Variants in STX7 observed in about 807,000 individuals in gnomAD.
STX7 encodes the protein syntaxin 7.
STX7 carries 34 observed loss-of-function variants against 39.6 expected under a neutral mutation model. The ratio of observed to expected loss-of-function variants is 0.86; its 90% CI spans 0.65 to 1.14. STX7 has a LOEUF of 1.14. STX7 is among the 50% of genes most tolerant of loss of function. STX7 has a pLI of 0.00. For missense variants in STX7, 284 were observed against 310.4 expected (o/e 0.92, Z 0.64); for synonymous variants, 119 against 99.1 (o/e 1.20, Z -1.19).
chr6:132,472,447 A>C lies in STX7; in HGVS notation c.156-72T>G, dbSNP rs1235013132. 5 of 1,144,912 alleles carry C rather than the reference A, an allele frequency of 4.4e-6. No individual in the cohort carries two copies. The African/African-American group carries it at 7.9e-5, about 18-fold the overall frequency. 70.9% of individuals were successfully genotyped at this position (1,144,912 alleles called of 1,614,324 possible). On this transcript the variant is annotated intron_variant, in intron 3 of 9. Coordinates refer to ENST00000367941, the MANE Select transcript of STX7 (RefSeq NM_003569.3). ...TTTAAGCTTCAACTCTGCCTTTTGA[A>C]TCAACACTGATAAACAGTTGTACAA...
intron 1 of STX7, among the ~76,000 whole-genome samples, chr6:132,509,353 G>A (rs968719229): frequency 5.9e-5 from 9 of 152,022 alleles, no homozygotes; most frequent in Non-Finnish European, 1.0e-4. Flanking sequence ...TCAGGAGGCT[G>A]AGGCAGGACA....
At position 132,454,780 on chromosome 6, in the gene STX7, T is replaced by C. The variant is rs936241764; in HGVS notation, c.*5978A>G. 9 of 152,234 alleles carry C rather than the reference T, an allele frequency of 5.9e-5. No individual in the cohort carries two copies. In the South Asian group the frequency reaches 1.0e-3, roughly 18 times the overall value. 9.4% of individuals were successfully genotyped at this position (152,234 alleles called of 1,614,324 possible). On this transcript the variant is annotated 3_prime_UTR_variant, in exon 10 of 10. Transcript: ENST00000367941. ...TGTTTATTGCCTCCAAGATAGAACATGAATTTCTTGAACAAGAAATGTTTA... is the reference window on the plus strand; with the variant it reads ...TGTTTATTGCCTCCAAGATAGAACACGAATTTCTTGAACAAGAAATGTTTA...
intron 1 of STX7, 130 bp downstream of exon 1, chr6:132,512,877 G>A (rs1177665400): frequency 6.6e-6 from 1 of 152,206 alleles, no homozygotes; most frequent in Non-Finnish European, 1.5e-5. Flanking sequence ...CTAGCCTCCC[G>A]AGTGCCTGCT....
rs1380064922 is a variant in STX7, at chr6:132,451,864, C to T, written c.*8894G>A. ...TATCAAATGTTTTAAAAAGCGCTGA[C>T]ACCAATTCTATACAATCCGCTTTAG... On this transcript the variant is annotated 3_prime_UTR_variant, in exon 10 of 10. Transcript: ENST00000367941. 6.6e-6 allele frequency: 1 copy of T among 152,158 alleles called. No homozygotes were observed. The highest frequency in any genetic ancestry group is 6.5e-5 in the Admixed American group (1 of 15,274). 9.4% of individuals were successfully genotyped at this position (152,158 alleles called of 1,614,324 possible). A position where few individuals can be genotyped will look rare whatever the true frequency, so the allele number is the denominator to read the frequency against.
chr6:132,460,787 T>C lies in STX7; in HGVS notation c.757A>G (p.Ser253Gly). The C allele has an allele frequency of 6.2e-7, 1 of 1,613,682 alleles. No individual in the cohort carries two copies. Among genetic ancestry groups the C allele is most frequent in the Non-Finnish European group, 8.5e-7 (1 of 1,179,798 alleles). ...LILVIGVAIISLIIWGLNH is the reference protein window; with the variant it reads ...LILVIGVAIIGLIIWGLNH ...TGGTTCAATCCCCATATGATGAGAC[T>C]GATAATCGCAACTCCAATGACAAGG... Residue 253 changes from serine to glycine, a missense_variant, in exon 10 of 10, where the codon AGT becomes GGT. By Grantham distance (56) the Ser-to-Gly change is moderately conservative (BLOSUM62 0). Coordinates refer to ENST00000367941, the MANE Select transcript of STX7 (RefSeq NM_003569.3).
intron 2 of STX7, among the ~76,000 whole-genome samples, chr6:132,490,281 TG>T (rs1461753201): frequency 6.6e-6 from 1 of 152,216 alleles, no homozygotes; most frequent in Non-Finnish European, 1.5e-5. Context: ...GCAGCTGAAT[TG>T]TTGTCACGAG....
chr6:132,500,533 C>T (rs909432492), intron 2 of STX7, among the ~76,000 whole-genome samples: 3 of 152,168 alleles, frequency 2.0e-5, no homozygotes, highest in Non-Finnish European at 4.4e-5. Context: ...AGGTAGCTTC[C>T]CCAGTCACTT....
In STX7 at chr6:132,464,063, G is replaced by A; in HGVS notation, c.623C>T (p.Ala208Val). The A allele has an allele frequency of 1.2e-6, 2 of 1,613,756 alleles. No individual in the cohort carries two copies. Among genetic ancestry groups the A allele is most frequent in the Non-Finnish European group, 1.7e-6 (2 of 1,179,906 alleles). ...EQGDVIDSIE[A>V]NVENAEVHVQ... is the part of the protein sequence containing the mutation. ...GTGCACCTCTGCATTTTCCACATTGGCTTCTATGCTATCTGTAAAATAAAA... is the reference window on the plus strand; with the variant it reads ...GTGCACCTCTGCATTTTCCACATTGACTTCTATGCTATCTGTAAAATAAAA... The change falls in exon 9 of 10, where the codon GCC becomes GTC. Residue 208 changes from alanine to valine, a missense_variant. By Grantham distance (64) the Ala-to-Val change is moderately conservative. Coordinates refer to ENST00000367941, the MANE Select transcript of STX7 (RefSeq NM_003569.3).
chr6:132,489,803 T>C (rs969255752), intron 2 of STX7, among the ~76,000 whole-genome samples: 3 of 152,186 alleles, frequency 2.0e-5, no homozygotes, highest in East Asian at 1.9e-4. Context: ...CACTTTGTCA[T>C]TGGTTCTCTT....
At position 132,460,515 on chromosome 6, in the gene STX7, TAAC is replaced by T. The variant is rs1300342159; in HGVS notation, c.*240_*242del. The T allele has an allele frequency of 6.0e-6, 2 of 330,678 alleles. No individual in the cohort carries two copies. Among genetic ancestry groups the T allele is most frequent in the Non-Finnish European group, 1.1e-5 (2 of 182,244 alleles). The allele number at this position is 330,678 out of a possible 1,614,324, so 20.5% of individuals were successfully genotyped here. A position where few individuals can be genotyped will look rare whatever the true frequency, so the allele number is the denominator to read the frequency against. ...GGCATATGCAATGTGGGCAAAAACT[TAAC>T]AACTATTAAATTGAAGACCAAGGGA... On this transcript the variant is annotated 3_prime_UTR_variant, in exon 10 of 10. Coordinates refer to ENST00000367941, the MANE Select transcript of STX7 (RefSeq NM_003569.3).
intron 1 of STX7, among the ~76,000 whole-genome samples, chr6:132,509,706 C>A (rs577536029): frequency 3.9e-5 from 6 of 152,014 alleles, no homozygotes; most frequent in Admixed American, 3.9e-4. Context: ...TAAAAGGCAA[C>A]AACAGTTGGC....
At chr6:132,479,716 C>T (rs1051356581) in intron 2 of STX7, among the ~76,000 whole-genome samples, 17 of 152,122 alleles carry the variant, frequency 1.1e-4, no homozygotes, top group Admixed American at 3.3e-4. Context: ...TGGGTATTGC[C>T]GTACACCAAT....
chr6:132,501,137 C>A (rs1299454001), intron 2 of STX7, among the ~76,000 whole-genome samples: 2 of 151,726 alleles, frequency 1.3e-5, no homozygotes, highest in Non-Finnish European at 2.9e-5. Context: ...ACTGCAACCT[C>A]CGCCTCCCAG....
At chr6:132,462,530 A>C (rs1774434426) in intron 9 of STX7, among the ~76,000 whole-genome samples, 1 of 150,888 alleles carries the variant, frequency 6.6e-6, no homozygotes, top group Non-Finnish European at 1.5e-5. Flanking sequence ...GATCCTGTTA[A>C]GTTTCAGCAG....
intron 2 of STX7, among the ~76,000 whole-genome samples, chr6:132,478,422 T>A (rs1241635202): frequency 2.0e-5 from 3 of 152,142 alleles, no homozygotes. Flanking sequence ...TGAACAGATA[T>A]ACTGAGCAAC....
rs570198812 is a variant in STX7 at position 132,459,755 on chromosome 6, A to G, written c.*1003T>C. The G allele has an allele frequency of 1.3e-5, 2 of 152,300 alleles. No individual in the cohort carries two copies. Among genetic ancestry groups the G allele is most frequent in the South Asian group, 4.1e-4 (2 of 4,824 alleles). 9.4% of individuals were successfully genotyped at this position (152,300 alleles called of 1,614,324 possible). A position where few individuals can be genotyped will look rare whatever the true frequency, so the allele number is the denominator to read the frequency against. ...AAGTGAGATAACTGGCAAACCTCCA[A>G]TTGCTTTTTTAATGAAGGATGACAC... On this transcript the variant is annotated 3_prime_UTR_variant, in exon 10 of 10. Transcript: ENST00000367941.
chr6:132,503,614 T>A, intron 1 of STX7, 26 bp from the exon 2 acceptor site: 1 of 1,072,846 alleles, frequency 9.3e-7, no homozygotes, highest in Admixed American at 2.2e-5. Flanking sequence ...GTCACACAGA[T>A]ATATTTTTTA....
chr6:132,476,826 C>T (rs932847666), intron 2 of STX7, among the ~76,000 whole-genome samples: 7 of 151,974 alleles, frequency 4.6e-5, no homozygotes, highest in African/African-American at 1.7e-4. Flanking sequence ...AGGGGAGGAC[C>T]TACAGTTTTA....
chr6:132,505,752 A>AAAAC (rs1554252676), intron 1 of STX7, among the ~76,000 whole-genome samples: 2 of 148,994 alleles, frequency 1.3e-5, no homozygotes, highest in Non-Finnish European at 3.0e-5. Flanking sequence ...AAAAAAAAAA[A>AAAAC]AAAAAAAAAA....
Sources: allele counts gnomAD v4.1 joint callset (sites outside exome capture counted in the v4.1 genomes callset), GRCh38; gene constraint gnomAD v4.1.1; transcripts MANE v1.5; gene names NCBI Gene and HGNC (gene_info 2026-07-23, HGNC 2026-07-21).